Variants in CNTNAP2 observed in about 807,000 individuals in gnomAD.
CNTNAP2 encodes contactin associated protein 2.
Under a neutral mutation model 155.2 loss-of-function variants are expected in CNTNAP2, and 98 were observed. The observed-to-expected ratio is 0.63, with a 90% confidence interval of 0.54 to 0.75. The LOEUF is 0.75. Among genes scored for constraint, CNTNAP2 ranks in the 30% least tolerant of loss-of-function variants. The probability of loss-of-function intolerance (pLI) is 0.00; values close to 1 mark genes in which losing one functional copy is unlikely to be tolerated. For synonymous variants in CNTNAP2, 651 were observed against 631.2 expected (o/e 1.03, Z -0.47); for missense variants, 1,727 against 1,688.1 (o/e 1.02, Z -0.40).
chr7:146,747,316 A>T (rs1002939662), intron 1 of CNTNAP2, among the ~76,000 whole-genome samples: 6 of 152,190 alleles, frequency 3.9e-5, no homozygotes, highest in African/African-American at 1.4e-4. Flanking sequence ...GACCTAAGAG[A>T]GATTAAGGAT....
chr7:147,002,942 T>C, intron 3 of CNTNAP2, among the ~76,000 whole-genome samples: 1 of 79,650 alleles, frequency 1.3e-5, no homozygotes, highest in African/African-American at 5.2e-5. Context: ...GGATGTTCCT[T>C]CCAAAAAAAA....
chr7:148,341,657 C>T lies in CNTNAP2; in HGVS notation c.3476-41992C>T, dbSNP rs115097272. Among the ~76,000 whole-genome samples the T allele has an allele frequency of 5.0e-3, 754 of 152,198 alleles. 5 individuals carry two copies. Among genetic ancestry groups the T allele is most frequent in the African/African-American group, 0.017 (711 of 41,520 alleles). ...TAAGCTCATGGTCTTTCTATACTAC[C>T]TTAGTAGTATAGAAATGTTCTAACT... On this transcript the variant is annotated intron_variant, in intron 21 of 23. Transcript: ENST00000361727.
At position 148,415,697 on chromosome 7, in the gene CNTNAP2, C is replaced by G. The variant is rs1240356201; in HGVS notation, c.*81C>G. 12 of 1,480,600 alleles carry G rather than the reference C, an allele frequency of 8.1e-6. No individual in the cohort carries two copies. The highest frequency in any genetic ancestry group is 1.1e-5 in the Non-Finnish European group (12 of 1,066,952). The allele number at this position is 1,480,600 out of a possible 1,614,324, so 91.7% of individuals were successfully genotyped here. A position where few individuals can be genotyped will look rare whatever the true frequency, so the allele number is the denominator to read the frequency against. On this transcript the variant is annotated 3_prime_UTR_variant, in exon 24 of 24. Transcript: ENST00000361727. ...AGGGACAAAAGCACCCTGCTTCATA[C>G]TCTTGAGCACATCCTTAAAATATCA...
intron 9 of CNTNAP2, among the ~76,000 whole-genome samples, chr7:147,355,529 A>G (rs1395422407): frequency 6.6e-6 from 1 of 152,090 alleles, no homozygotes; most frequent in Admixed American, 6.6e-5. Flanking sequence ...GATTAACAAA[A>G]TAGATAGACT....
intron 1 of CNTNAP2, among the ~76,000 whole-genome samples, chr7:146,531,658 G>A (rs1275724079): frequency 1.3e-5 from 2 of 152,074 alleles, no homozygotes; most frequent in African/African-American, 4.8e-5. Context: ...TGATTCTCCT[G>A]CCTCAGCCTC....
At chr7:146,728,660 A>G (rs374670338) in intron 1 of CNTNAP2, among the ~76,000 whole-genome samples, 9 of 151,858 alleles carry the variant, frequency 5.9e-5, no homozygotes, top group East Asian at 5.8e-4. Flanking sequence ...TCCATTACAC[A>G]TTAAAACATG....
chr7:147,956,569 T>C (rs183970912), intron 14 of CNTNAP2, among the ~76,000 whole-genome samples: 5 of 152,256 alleles, frequency 3.3e-5, no homozygotes, highest in Admixed American at 2.0e-4. Flanking sequence ...CACATGCCCA[T>C]ATCGAAGCAC....
At chr7:148,397,872 C>CAAA (rs1263439792) in intron 22 of CNTNAP2, among the ~76,000 whole-genome samples, 1 of 152,204 alleles carries the variant, frequency 6.6e-6, no homozygotes, top group Non-Finnish European at 1.5e-5. Flanking sequence ...TGTCAGGAAG[C>CAAA]AAAACTAGTT....
chr7:146,157,075 G>A (rs529550212), intron 1 of CNTNAP2, among the ~76,000 whole-genome samples: 4 of 152,010 alleles, frequency 2.6e-5, no homozygotes, highest in Admixed American at 6.6e-5. Context: ...ATATTTAATA[G>A]TATGTATGAT....
intron 1 of CNTNAP2, among the ~76,000 whole-genome samples, chr7:146,187,745 C>A (rs1250499259): frequency 6.6e-6 from 1 of 152,098 alleles, no homozygotes; most frequent in Admixed American, 6.6e-5. Context: ...ATTCAACCAA[C>A]AACACGGAAC....
intron 18 of CNTNAP2, among the ~76,000 whole-genome samples, chr7:148,183,211 G>A (rs1012810393): frequency 7.9e-5 from 12 of 152,182 alleles, no homozygotes; most frequent in African/African-American, 2.7e-4. Context: ...CCAGAAGGCC[G>A]AGTGAGAGAC....
At chr7:146,861,379 A>G (rs1217955610) in intron 3 of CNTNAP2, among the ~76,000 whole-genome samples, 1 of 152,138 alleles carries the variant, frequency 6.6e-6, no homozygotes, top group African/African-American at 2.4e-5. Context: ...ACATTTTAAA[A>G]TTTTTAAAAA....
intron 1 of CNTNAP2, among the ~76,000 whole-genome samples, chr7:146,756,101 A>T (rs543609871): frequency 6.6e-6 from 1 of 152,058 alleles, no homozygotes; most frequent in South Asian, 2.1e-4. Flanking sequence ...AGGAAAAAAT[A>T]ATATTTTGAT....
chr7:147,933,531 A>AGATAGATAGATG (rs1800548230), intron 14 of CNTNAP2, among the ~76,000 whole-genome samples: 1 of 150,094 alleles, frequency 6.7e-6, no homozygotes, highest in Non-Finnish European at 1.5e-5. Flanking sequence ...ATAGATAGAT[A>AGATAGATAGATG]GATAGATAGA....
chr7:147,078,013 T>C (rs570678582), intron 4 of CNTNAP2, among the ~76,000 whole-genome samples: 1 of 152,208 alleles, frequency 6.6e-6, no homozygotes, highest in Non-Finnish European at 1.5e-5. Context: ...TTCTCTTGTC[T>C]ATGACATCTG....
At chr7:146,238,699 T>C (rs1250185021) in intron 1 of CNTNAP2, among the ~76,000 whole-genome samples, 1 of 152,170 alleles carries the variant, frequency 6.6e-6, no homozygotes, top group Admixed American at 6.5e-5. Flanking sequence ...AAGAAATACC[T>C]ATGACTGGGT....
In CNTNAP2 at chr7:146,633,832, G is replaced by GAA. The variant is rs60993956; in HGVS notation, c.98-140416_98-140415dup. Among the ~76,000 whole-genome samples the GAA allele has an allele frequency of 8.2e-3, 646 of 78,662 alleles. 29 individuals are homozygous for GAA. Among genetic ancestry groups the GAA allele is most frequent in the African/African-American group, 0.026 (430 of 16,596 alleles). The allele number at this position is 78,662 out of a possible 152,430, so 51.6% of individuals were successfully genotyped here. On this transcript the variant is annotated intron_variant, in intron 1 of 23. Coordinates refer to ENST00000361727, the MANE Select transcript of CNTNAP2 (RefSeq NM_014141.6). ...GCAACAGAGCGAGACTGCATCTAGA[G>GAA]AAAAAAAAAAAAAAAAAAAAAAAAC...
At chr7:146,189,307 T>C (rs1798669294) in intron 1 of CNTNAP2, among the ~76,000 whole-genome samples, 1 of 152,166 alleles carries the variant, frequency 6.6e-6, no homozygotes, top group Non-Finnish European at 1.5e-5. Flanking sequence ...AATGCTCAAT[T>C]AATATTATCC....
chr7:148,007,354 G>T (rs1802000118), intron 15 of CNTNAP2, among the ~76,000 whole-genome samples: 1 of 152,102 alleles, frequency 6.6e-6, no homozygotes, highest in African/African-American at 2.4e-5. Context: ...AATTTGTGCT[G>T]CTTATGTAGG....
Sources: gnomAD v4.1 joint callset for allele counts (sites outside exome capture counted in the v4.1 genomes callset) on GRCh38, gnomAD v4.1.1 for gene constraint, MANE v1.5 for transcripts, NCBI Gene and HGNC (gene_info 2026-07-23, HGNC 2026-07-21) for gene names.